PTPRN2: variants seen among roughly 807,000 people sequenced by gnomAD.
PTPRN2 encodes protein tyrosine phosphatase receptor type N2, also known as receptor-type tyrosine-protein phosphatase N2.
PTPRN2 carries 74 observed loss-of-function variants against 118.8 expected under a neutral mutation model. The ratio of observed to expected loss-of-function variants is 0.62; its 90% confidence interval spans 0.52 to 0.76. The LOEUF (loss-of-function observed/expected upper bound fraction) is 0.76, where lower values mean the gene tolerates loss of function less well. Among genes scored for constraint, PTPRN2 ranks in the 30% least tolerant of loss-of-function variants. The probability of loss-of-function intolerance (pLI) is 0.00; values close to 1 mark genes in which losing one functional copy is unlikely to be tolerated. For synonymous variants in PTPRN2, 641 were observed against 608.0 expected (o/e 1.05, Z -0.80); for missense variants, 1,481 against 1,394.4 (o/e 1.06, Z -0.99).
At chr7:158,108,283 C>T (rs1409151496) in intron 10 of PTPRN2, among the ~76,000 whole-genome samples, 1 of 152,066 alleles carries the variant, frequency 6.6e-6, no homozygotes, top group Admixed American at 6.5e-5. Context: ...CTCTGTGCTC[C>T]CATTGCCACC....
At position 158,146,447 on chromosome 7, in the gene PTPRN2, C is replaced by A. The variant is rs562363292; in HGVS notation, c.911-7932G>T. On this transcript the variant is annotated intron_variant, in intron 6 of 22. Coordinates refer to ENST00000389418, the MANE Select transcript of PTPRN2 (RefSeq NM_002847.5). ...TTATTCTAAGAAATAATAGGCTGGG[C>A]TTGGTGGCTCACACCTGTAATCCCA... Among the ~76,000 whole-genome samples the A allele has an allele frequency of 5.3e-5, 8 of 152,180 alleles. No individual in the cohort carries two copies. In the East Asian group the frequency reaches 1.5e-3, roughly 29 times the overall value.
chr7:157,677,895 G>A (rs1344161957), intron 13 of PTPRN2, among the ~76,000 whole-genome samples: 2 of 152,198 alleles, frequency 1.3e-5, no homozygotes, highest in Non-Finnish European at 2.9e-5. Context: ...TATGGGAGGA[G>A]GGAGGCACGG....
chr7:158,406,766 A>G (rs1170788663), intron 2 of PTPRN2, among the ~76,000 whole-genome samples: 1 of 152,214 alleles, frequency 6.6e-6, no homozygotes, highest in Non-Finnish European at 1.5e-5. Context: ...GCTAAACTTC[A>G]AAAATGCTCC....
At chr7:158,212,902 T>A (rs1343310836) in intron 3 of PTPRN2, among the ~76,000 whole-genome samples, 2 of 152,190 alleles carry the variant, frequency 1.3e-5, no homozygotes, top group South Asian at 2.1e-4. Flanking sequence ...TCAAATGTTA[T>A]GACAAAGAGC....
At chr7:158,382,463 T>C (rs1811036019) in intron 2 of PTPRN2, among the ~76,000 whole-genome samples, 1 of 152,184 alleles carries the variant, frequency 6.6e-6, no homozygotes, top group Non-Finnish European at 1.5e-5. Flanking sequence ...AGGAAAGAAA[T>C]GCATAAATCT....
chr7:158,041,374 A>G (rs1179682585), intron 11 of PTPRN2, among the ~76,000 whole-genome samples: 2 of 152,228 alleles, frequency 1.3e-5, no homozygotes, highest in African/African-American at 4.8e-5. Flanking sequence ...ACGGTGGCTC[A>G]TGCCCATAAT....
Position 157,779,597 on chromosome 7 carries a change from TA to T in PTPRN2, c.1789-96661del, listed in dbSNP as rs977474665. ...GTCTCCGGTGCTTGCCTTCTCTGTC[TA>T]AATAACTTGCTTCTCACCCTGCTGC... On this transcript the variant is annotated intron_variant, in intron 12 of 22. Coordinates refer to ENST00000389418, the MANE Select transcript of PTPRN2 (RefSeq NM_002847.5). The surrounding 1 kb of genome is among the most constrained non-coding windows in gnomAD (Gnocchi z 4.7). Among the ~76,000 whole-genome samples the T allele has an allele frequency of 5.3e-5, 8 of 152,146 alleles. No homozygotes were observed. The highest frequency in any genetic ancestry group is 1.3e-4 in the Admixed American group (2 of 15,282).
At chr7:158,350,615 T>C (rs1008506087) in intron 2 of PTPRN2, among the ~76,000 whole-genome samples, 9 of 152,314 alleles carry the variant, frequency 5.9e-5, no homozygotes, top group Admixed American at 3.3e-4. Context: ...GGGCTGCCTG[T>C]GAGCCAGGCT....
At chr7:158,113,170 G>A (rs1297238888) in intron 9 of PTPRN2, among the ~76,000 whole-genome samples, 2 of 152,144 alleles carry the variant, frequency 1.3e-5, no homozygotes, top group East Asian at 3.9e-4. Context: ...CCTCAGATTG[G>A]TCCAGAGAGA....
chr7:158,126,248 A>G (rs1385452604), intron 9 of PTPRN2, among the ~76,000 whole-genome samples: 1 of 6,072 alleles, frequency 1.6e-4, no homozygotes, highest in Non-Finnish European at 3.0e-4. Context: ...GGGCGGCGGA[A>G]CTTCCTCTCC....
At chr7:158,556,050 T>C (rs1335857086) in intron 1 of PTPRN2, among the ~76,000 whole-genome samples, 1 of 152,192 alleles carries the variant, frequency 6.6e-6, no homozygotes, top group Non-Finnish European at 1.5e-5. Flanking sequence ...CCTAATAGGA[T>C]AGACTAGATG....
rs1421310773 is a variant in PTPRN2, at chr7:157,578,119, C to T, written c.2518G>A (p.Val840Met). The change falls in exon 18 of 23, where the codon GTG (valine) becomes ATG (methionine). Residue 840 changes from valine to methionine, a missense_variant. By Grantham distance (21) the Val-to-Met change is conservative (BLOSUM62 1). Transcript: ENST00000389418. ...FWQMVWESGCVVIVMLTPLAE... is the reference protein window; with the variant it reads ...FWQMVWESGCMVIVMLTPLAE... ...AGGGGTGTCAGCATGACGATCACCA[C>T]GCAGCCGCTCTCCCACACCATCTGC... 1 of 1,612,302 alleles carries T rather than the reference C, an allele frequency of 6.2e-7. No individual in the cohort carries two copies. Among genetic ancestry groups the T allele is most frequent in the East Asian group, 2.2e-5 (1 of 44,864 alleles).
chr7:157,994,116 T>C (rs1282832293), intron 11 of PTPRN2, among the ~76,000 whole-genome samples: 1 of 152,072 alleles, frequency 6.6e-6, no homozygotes, highest in African/African-American at 2.4e-5. Flanking sequence ...CACGTTGTTT[T>C]CCTCCTCTTT....
intron 4 of PTPRN2, 134 bp downstream of exon 4, chr7:158,205,037 C>T: frequency 1.3e-6 from 1 of 757,230 alleles, no homozygotes; most frequent in East Asian, 2.7e-5. Flanking sequence ...GACATCCTAA[C>T]TTTCTGAAAC....
chr7:158,007,987 G>A (rs1272181036), intron 11 of PTPRN2, among the ~76,000 whole-genome samples: 1 of 149,488 alleles, frequency 6.7e-6, no homozygotes, highest in Non-Finnish European at 1.5e-5. Context: ...TTGTGTATAT[G>A]TGGGGTATGT....
chr7:158,366,358 C>T (rs1358852466), intron 2 of PTPRN2, among the ~76,000 whole-genome samples: 2 of 141,658 alleles, frequency 1.4e-5, no homozygotes, highest in African/African-American at 5.3e-5. Flanking sequence ...GAAGCCACAG[C>T]CCAATGCACG....
chr7:157,834,681 C>A (rs1022705021), intron 12 of PTPRN2, among the ~76,000 whole-genome samples: 2 of 152,252 alleles, frequency 1.3e-5, no homozygotes, highest in Non-Finnish European at 2.9e-5. Context: ...GCAGAGTGCA[C>A]GCTCGCAGAG....
At chr7:157,715,270 G>A (rs932387052) in intron 12 of PTPRN2, among the ~76,000 whole-genome samples, 7 of 152,230 alleles carry the variant, frequency 4.6e-5, no homozygotes, top group African/African-American at 7.2e-5. Context: ...AATGAATGAG[G>A]CCCAGGGAGT....
chr7:158,081,097 G>A (rs576386947), intron 11 of PTPRN2, among the ~76,000 whole-genome samples: 4 of 152,248 alleles, frequency 2.6e-5, no homozygotes, highest in African/African-American at 7.2e-5. Flanking sequence ...TGGTGCCCAC[G>A]GACAGCCACA....
Sources: allele counts gnomAD v4.1 joint callset (sites outside exome capture counted in the v4.1 genomes callset), GRCh38; gene constraint gnomAD v4.1.1; non-coding constraint Gnocchi (gnomAD v3.1); transcripts MANE v1.5; gene names NCBI Gene and HGNC (gene_info 2026-07-23, HGNC 2026-07-21).